Variants in TRIO observed in about 807,000 individuals in gnomAD.
TRIO encodes trio Rho guanine nucleotide exchange factor.
Under a neutral mutation model 351.9 loss-of-function variants are expected in TRIO, and 58 were observed. That is an observed-to-expected ratio of 0.16 (90% CI 0.13 to 0.21). TRIO has a LOEUF of 0.21. Among genes scored for constraint, TRIO ranks in the 10% least tolerant of loss-of-function variants. The probability of loss-of-function intolerance (pLI) is 1.00; values close to 1 mark genes in which losing one functional copy is unlikely to be tolerated. For synonymous variants in TRIO, 1,758 were observed against 1,595.7 expected (o/e 1.10, Z -2.42); for missense variants, 3,201 against 4,027.8 (o/e 0.79, Z 5.56).
Position 14,184,023 on chromosome 5 carries a change from G to A in TRIO, c.157+40141G>A, listed in dbSNP as rs899699354. The A allele has an allele frequency of 6.9e-5, 48 of 693,832 alleles. No homozygotes were observed. The Admixed American group carries it at 9.3e-4, about 13-fold the overall frequency. 43.0% of individuals were successfully genotyped at this position (693,832 alleles called of 1,614,324 possible). Reference sequence around the variant, plus strand: ...ATTTTGGCTCTCTGATGTGTGGCTCGAGGGTTTCTCTAGGAGGACTGTTGA... The same window carrying A: ...ATTTTGGCTCTCTGATGTGTGGCTCAAGGGTTTCTCTAGGAGGACTGTTGA... On this transcript the variant is annotated intron_variant, in intron 1 of 56. Transcript: ENST00000344204.
intron 1 of TRIO, among the ~76,000 whole-genome samples, chr5:14,156,048 C>T (rs1473408454): frequency 6.6e-6 from 1 of 152,032 alleles, no homozygotes; most frequent in African/African-American, 2.4e-5. Flanking sequence ...TAAGTATGGC[C>T]TCAGAAATTC....
At chr5:14,235,773 G>T (rs1371970300) in intron 1 of TRIO, among the ~76,000 whole-genome samples, 5 of 151,842 alleles carry the variant, frequency 3.3e-5, no homozygotes, top group Non-Finnish European at 7.4e-5. Flanking sequence ...ATGGATAGGG[G>T]ATATAGGCTT....
rs1483531322 is a variant in TRIO at position 14,471,399 on chromosome 5, C to T, written c.5845C>T (p.Leu1949Phe). The change falls in exon 38 of 57, where the codon CTT becomes TTT. Residue 1949 changes from leucine (L) to phenylalanine (F), a missense_variant. Around this residue, in one of 19 missense-constraint regions of TRIO, gnomAD observed 307 missense variants for 396.5 expected, o/e 0.77. Coordinates refer to ENST00000344204, the MANE Select transcript of TRIO (RefSeq NM_007118.4). Reference sequence around the variant, plus strand: ...TTCCTTCAACCCTTCGGATAATTCCCTTCTCTCTTCCTCCTCGCCCATTGA... The same window carrying T: ...TTCCTTCAACCCTTCGGATAATTCCTTTCTCTCTTCCTCCTCGCCCATTGA... Reference protein sequence around the residue: ...SPSFNPSDNSLLSSSSPIDEM... With the variant: ...SPSFNPSDNSFLSSSSPIDEM... 1 of 1,614,036 alleles carries T rather than the reference C, an allele frequency of 6.2e-7. No homozygotes were observed. Among genetic ancestry groups the T allele is most frequent in the Non-Finnish European group, 8.5e-7 (1 of 1,180,040 alleles).
intron 55 of TRIO, 31 bp from the exon 56 acceptor site, chr5:14,507,091 T>C: frequency 6.4e-7 from 1 of 1,554,372 alleles, no homozygotes; most frequent in Non-Finnish European, 8.7e-7. Flanking sequence ...GCAAATCGCA[T>C]CATAACAGTC....
At chr5:14,182,303 G>C (rs1225932078) in intron 1 of TRIO, among the ~76,000 whole-genome samples, 1 of 152,156 alleles carries the variant, frequency 6.6e-6, no homozygotes, top group African/African-American at 2.4e-5. Flanking sequence ...CTCCTTGTTG[G>C]TTCCCTCTTA....
chr5:14,210,604 TG>T, intron 1 of TRIO, among the ~76,000 whole-genome samples: 1 of 124,574 alleles, frequency 8.0e-6, no homozygotes, highest in African/African-American at 2.5e-5. Flanking sequence ...AGTGTTTTTT[TG>T]TTGTTGTTGT....
intron 30 of TRIO, among the ~76,000 whole-genome samples, chr5:14,400,165 A>G (rs40278): frequency 0.31 from 46,829 of 152,150 alleles, 7,712 homozygotes; most frequent in African/African-American, 0.39. Flanking sequence ...ATTTTAGGTC[A>G]CATTCTGACT....
At chr5:14,449,958 A>G (rs1266863493) in intron 34 of TRIO, among the ~76,000 whole-genome samples, 1 of 152,268 alleles carries the variant, frequency 6.6e-6, no homozygotes, top group Non-Finnish European at 1.5e-5. Flanking sequence ...CCTGACCAGA[A>G]ATGCTGATAG....
chr5:14,504,638 A>G lies in TRIO; in HGVS notation c.8612+45A>G, dbSNP rs766108287. 6 of 1,593,542 alleles carry G rather than the reference A, an allele frequency of 3.8e-6. No homozygotes were observed. The Admixed American group carries it at 8.6e-5, about 23-fold the overall frequency. On this transcript the variant is annotated intron_variant, in intron 55 of 56. Transcript: ENST00000344204. ...TCCCTCTGCCCAGCCCTCTGCCTCC[A>G]CCTCAGGGGGTTTTGTTGTTCCTGT...
rs1273238922 is a variant in TRIO, at chr5:14,144,891, C to CAGG, written c.157+1022_157+1024dup. ...TGCTCGCGCGTCGGCTGAGCAGCAG[C>CAGG]AGGAGGAGGAGGAGGCGGCGGCGGC... On this transcript the variant is annotated intron_variant, in intron 1 of 56. Coordinates refer to ENST00000344204, the MANE Select transcript of TRIO (RefSeq NM_007118.4). 1.5e-3 allele frequency among the ~76,000 whole-genome samples: 228 copies of CAGG among 151,430 alleles called. 2 individuals carry two copies. Among genetic ancestry groups the CAGG allele is most frequent in the Middle Eastern group, 3.4e-3 (1 of 292 alleles).
At chr5:14,189,687 T>C (rs73057505) in intron 1 of TRIO, among the ~76,000 whole-genome samples, 6,544 of 152,072 alleles carry the variant, frequency 0.043, 483 homozygotes, top group African/African-American at 0.15. Context: ...TTGGGATTGC[T>C]GAGAGCTGAG....
chr5:14,388,353 A>T lies in TRIO; in HGVS notation c.3882-260A>T, dbSNP rs547217628. ...AGTGCAGAGGGCAGCCCCACAGCAGAGTTACCTGGCCCCAGATGTCCACAG... is the reference window on the plus strand; with the variant it reads ...AGTGCAGAGGGCAGCCCCACAGCAGTGTTACCTGGCCCCAGATGTCCACAG... On this transcript the variant is annotated intron_variant, in intron 23 of 56. Transcript: ENST00000344204. 6.6e-5 allele frequency among the ~76,000 whole-genome samples: 10 copies of T among 152,300 alleles called. No individual in the cohort carries two copies. The East Asian group carries it at 1.7e-3, about 26-fold the overall frequency.
At chr5:14,381,285 C>CT (rs768438647) in intron 21 of TRIO, 33 bp downstream of exon 21, 9 of 1,559,680 alleles carry the variant, frequency 5.8e-6, no homozygotes, top group Non-Finnish European at 7.8e-6. Context: ...ATAGTGGCCT[C>CT]TAAGTCGAAA....
At chr5:14,451,715 T>G (rs897280191) in intron 34 of TRIO, among the ~76,000 whole-genome samples, 14 of 152,280 alleles carry the variant, frequency 9.2e-5, no homozygotes, top group African/African-American at 3.1e-4. Flanking sequence ...GCCTTTGAAT[T>G]AGCTTTCATC....
chr5:14,363,956 T>C, intron 14 of TRIO, 29 bp downstream of exon 14: 1 of 1,584,494 alleles, frequency 6.3e-7, no homozygotes, highest in East Asian at 2.2e-5. Flanking sequence ...TCTGTGTCCG[T>C]TGTGATTTCT....
intron 55 of TRIO, 23 bp from the exon 56 acceptor site, chr5:14,507,099 G>C (rs765788047): frequency 1.3e-6 from 2 of 1,558,566 alleles, no homozygotes; most frequent in South Asian, 2.4e-5. Flanking sequence ...CATCATAACA[G>C]TCACCCGCTC....
intron 1 of TRIO, among the ~76,000 whole-genome samples, chr5:14,197,440 T>C (rs1378009612): frequency 2.6e-5 from 4 of 152,220 alleles, no homozygotes; most frequent in Non-Finnish European, 4.4e-5. Flanking sequence ...TCTTGATCTG[T>C]ATCCCTCTCT....
At chr5:14,485,302 A>G (rs894798249) in intron 47 of TRIO, 56 bp downstream of exon 47, 10 of 1,487,704 alleles carry the variant, frequency 6.7e-6, no homozygotes, top group Middle Eastern at 3.6e-4. Context: ...ACTCACTTGT[A>G]TTTATCTTCC....
intron 42 of TRIO, among the ~76,000 whole-genome samples, chr5:14,479,582 A>G (rs534205432): frequency 6.6e-6 from 1 of 152,320 alleles, no homozygotes; most frequent in East Asian, 1.9e-4. Context: ...TAAAAATAAG[A>G]GTTTTTAATA....
Sources: gnomAD v4.1 joint callset for allele counts (sites outside exome capture counted in the v4.1 genomes callset) on GRCh38, gnomAD v4.1.1 for gene constraint, gnomAD v4.1.1 regional missense constraint, MANE v1.5 for transcripts, NCBI Gene and HGNC (gene_info 2026-07-23, HGNC 2026-07-21) for gene names.